Variants in CSMD2 observed in about 807,000 individuals in gnomAD.
CSMD2 encodes CUB and sushi domain-containing protein 2.
In CSMD2, 130 loss-of-function variants were observed where a neutral mutation model predicts 398.5. That is an observed-to-expected ratio of 0.33 (90% CI 0.28 to 0.38). The LOEUF is 0.38. Among genes scored for constraint, CSMD2 ranks in the 10% least tolerant of loss-of-function variants. The probability of loss-of-function intolerance (pLI) is 1.00; values close to 1 mark genes in which losing one functional copy is unlikely to be tolerated. For missense variants in CSMD2, 3,829 were observed against 4,764.9 expected (o/e 0.80, Z 5.78); for synonymous variants, 1,828 against 1,908.5 (o/e 0.96, Z 1.10).
intron 5 of CSMD2, chr1:33,873,870 GC>G (rs1640646026): frequency 6.6e-6 from 1 of 152,226 alleles, no homozygotes; most frequent in African/African-American, 2.4e-5. Flanking sequence ...CTAAGGTCGG[GC>G]TACACTGCAT....
chr1:33,668,188 G>C (rs968645090), intron 25 of CSMD2, among the ~76,000 whole-genome samples: 1 of 152,196 alleles, frequency 6.6e-6, no homozygotes, highest in Admixed American at 6.5e-5. Flanking sequence ...AGGCGACACT[G>C]GGCCAGGAGA....
chr1:33,559,520 C>A lies in CSMD2; in HGVS notation c.8381-47G>T. 4.6e-6 allele frequency: 7 copies of A among 1,506,188 alleles called. No homozygotes were observed. Among genetic ancestry groups the A allele is most frequent in the Non-Finnish European group, 5.3e-6 (6 of 1,121,578 alleles). The allele number at this position is 1,506,188 out of a possible 1,614,324, so 93.3% of individuals were successfully genotyped here. On this transcript the variant is annotated intron_variant, in intron 53 of 70. Transcript: ENST00000373381. The surrounding 1 kb of genome is among the most constrained non-coding windows in gnomAD (Gnocchi z 4.0). ...GGTAAGCCCTCCTACTATTCCACAC[C>A]CCTCAGAATTTATCCACCTCTCACC...
intron 5 of CSMD2, among the ~76,000 whole-genome samples, chr1:33,890,144 G>A (rs937894626): frequency 6.6e-6 from 1 of 150,706 alleles, no homozygotes; most frequent in African/African-American, 2.4e-5. Context: ...CATGCTTTAT[G>A]TTTACAATGG....
chr1:33,826,323 T>C lies in CSMD2; in HGVS notation c.1034-549A>G, dbSNP rs140570385. On this transcript the variant is annotated intron_variant, in intron 6 of 70. Transcript: ENST00000373381. Reference sequence around the variant, plus strand: ...AGTACATTCCCCCACTCCTTGACTTTGGGTTTGGCCTTGTGACTTGCTTTG... The same window carrying C: ...AGTACATTCCCCCACTCCTTGACTTCGGGTTTGGCCTTGTGACTTGCTTTG... Among the ~76,000 whole-genome samples, 1,093 of 152,336 alleles carry C rather than the reference T, an allele frequency of 7.2e-3. 13 individuals are homozygous for C. The highest frequency in any genetic ancestry group is 0.025 in the African/African-American group (1,046 of 41,580).
chr1:33,982,737 C>T (rs935722449), intron 3 of CSMD2, among the ~76,000 whole-genome samples: 7 of 152,212 alleles, frequency 4.6e-5, no homozygotes, highest in Admixed American at 2.0e-4. Context: ...CAGAGATGAC[C>T]GCAAGGGCAT....
chr1:33,744,479 A>T (rs1197702454), intron 13 of CSMD2, among the ~76,000 whole-genome samples: 1 of 152,134 alleles, frequency 6.6e-6, no homozygotes, highest in Non-Finnish European at 1.5e-5. Flanking sequence ...CCCCTATTTC[A>T]CCCTAAGGAT....
intron 49 of CSMD2, 33 bp downstream of exon 49, chr1:33,577,263 T>C (rs1638335161): frequency 1.3e-6 from 2 of 1,565,676 alleles, no homozygotes; most frequent in Non-Finnish European, 1.7e-6. Context: ...GGATCCGAGC[T>C]ACCTTGTGAC....
intron 3 of CSMD2, among the ~76,000 whole-genome samples, chr1:33,973,460 C>T (rs1272618773): frequency 6.6e-6 from 1 of 152,130 alleles, no homozygotes; most frequent in Non-Finnish European, 1.5e-5. Context: ...ATGCACTGCC[C>T]CAGGCTTTGC....
At chr1:33,917,915 G>C (rs1004390595) in intron 5 of CSMD2, among the ~76,000 whole-genome samples, 179 bp downstream of exon 5, 1 of 152,148 alleles carries the variant, frequency 6.6e-6, no homozygotes, top group Non-Finnish European at 1.5e-5. Flanking sequence ...AATTACCCCA[G>C]CTCTAAAAAT....
Position 33,722,294 on chromosome 1 carries a change from C to G in CSMD2, c.3001+1903G>C, listed in dbSNP as rs113028200. 3.3e-5 allele frequency among the ~76,000 whole-genome samples: 5 copies of G among 152,260 alleles called. 1 individual carries two copies. The highest frequency in any genetic ancestry group is 1.2e-4 in the African/African-American group (5 of 41,530). On this transcript the variant is annotated intron_variant, in intron 19 of 70. Transcript: ENST00000373381. ...TGCAGGGGATTTGTTCCAGGACCAC[C>G]CTTGGATACCAAAATCTGCAGATTC...
intron 44 of CSMD2, among the ~76,000 whole-genome samples, chr1:33,588,021 A>G (rs1639199608): frequency 6.6e-6 from 1 of 152,236 alleles, no homozygotes; most frequent in Non-Finnish European, 1.5e-5. Flanking sequence ...GAGGTATTCT[A>G]TGGAACAGTA....
rs762467670 is a variant in CSMD2, at chr1:33,724,599, T to C, written c.2801A>G (p.Asp934Gly). The change falls in exon 18 of 71, where the codon GAC (aspartate) becomes GGC (glycine). Residue 934 changes from aspartate (D) to glycine (G), a missense_variant. Physicochemically the swap from Asp to Gly is moderately conservative, Grantham distance 94. Coordinates refer to ENST00000373381, the MANE Select transcript of CSMD2 (RefSeq NM_001281956.2). ...CCCGTCACTTAATGTGTAGCCCGAG[T>C]CACAGCTGAAGGTCACCAGCGCGCC... Reference protein sequence around the residue: ...YVGALVTFSCDSGYTLSDGEP... With the variant: ...YVGALVTFSCGSGYTLSDGEP... 31 of 1,614,096 alleles carry C rather than the reference T, an allele frequency of 1.9e-5. No individual in the cohort carries two copies. In the South Asian group the frequency reaches 3.3e-4, roughly 17 times the overall value.
chr1:33,896,281 C>T (rs538398747), intron 5 of CSMD2, among the ~76,000 whole-genome samples: 1 of 151,876 alleles, frequency 6.6e-6, no homozygotes. Context: ...TCTTGGTTCT[C>T]AGCACAGACT....
chr1:33,973,269 T>C (rs1367096757), intron 3 of CSMD2, among the ~76,000 whole-genome samples: 1 of 152,176 alleles, frequency 6.6e-6, no homozygotes, highest in Non-Finnish European at 1.5e-5. Flanking sequence ...TCAATGCCAG[T>C]AAGCAGACTC....
At chr1:34,089,279 C>T (rs1345281378) in intron 1 of CSMD2, 86 bp from the exon 2 acceptor site, 9 of 1,291,350 alleles carry the variant, frequency 7.0e-6, no homozygotes, top group Non-Finnish European at 8.8e-6. Context: ...GTTAGCAAAT[C>T]ATGAACCCAC....
chr1:33,792,300 A>G, intron 11 of CSMD2, 123 bp downstream of exon 11: 1 of 718,784 alleles, frequency 1.4e-6, no homozygotes, highest in Non-Finnish European at 2.6e-6. Flanking sequence ...TGAAACTAGG[A>G]ACATTGCAGG....
intron 13 of CSMD2, among the ~76,000 whole-genome samples, chr1:33,770,055 T>C (rs954799163): frequency 1.3e-5 from 2 of 152,246 alleles, no homozygotes; most frequent in African/African-American, 4.8e-5. Flanking sequence ...CTCCAAAGTT[T>C]AACATTGTCT....
chr1:33,557,652 AC>A (rs1553139016), intron 55 of CSMD2, 81 bp downstream of exon 55: 4 of 1,190,254 alleles, frequency 3.4e-6, no homozygotes, highest in Non-Finnish European at 3.5e-6. Flanking sequence ...ACACACACAC[AC>A]ACACACATGC....
At chr1:33,763,088 A>G (rs1050900673) in intron 13 of CSMD2, among the ~76,000 whole-genome samples, 9 of 152,192 alleles carry the variant, frequency 5.9e-5, no homozygotes, top group Non-Finnish European at 2.9e-5. Context: ...AACACAACGT[A>G]TCACCACATG....
Sources: allele counts gnomAD v4.1 joint callset (sites outside exome capture counted in the v4.1 genomes callset), GRCh38; gene constraint gnomAD v4.1.1; non-coding constraint Gnocchi (gnomAD v3.1); transcripts MANE v1.5; gene names NCBI Gene and HGNC (gene_info 2026-07-23, HGNC 2026-07-21).